The following MYH11 variants were observed in gnomAD, a reference collection of about 807,000 sequenced individuals.
MYH11 encodes myosin heavy chain 11.
In MYH11, 80 loss-of-function variants were observed where a neutral mutation model predicts 246.6. That is an observed-to-expected ratio of 0.32 (90% confidence interval 0.27 to 0.39). The LOEUF is 0.39. Ranked by LOEUF, MYH11 falls within the 10% of genes least tolerant of loss-of-function variation. MYH11 has a pLI of 1.00. For synonymous variants in MYH11, 1,071 were observed against 1,015.5 expected, an observed-to-expected ratio of 1.05 and a Z score of -1.04; for missense variants, 2,158 against 2,546.8, an observed-to-expected ratio of 0.85 and a Z score of 3.29.
intron 27 of MYH11, among the ~76,000 whole-genome samples, chr16:15,728,014 A>G (rs566768685): frequency 2.7e-4 from 41 of 152,320 alleles, no homozygotes; most frequent in African/African-American, 9.4e-4. Flanking sequence ...GGATCACTTG[A>G]GGTGAGGAGT....
intron 19 of MYH11, among the ~76,000 whole-genome samples, chr16:15,745,570 T>TTTTC (rs1567722227): frequency 1.0e-4 from 15 of 146,754 alleles, no homozygotes; most frequent in East Asian, 4.2e-4. Flanking sequence ...GCTGTTTCTT[T>TTTTC]TTTCTTTCTT....
chr16:15,749,774 C>T (rs2041515378), intron 16 of MYH11: 1 of 387,946 alleles, frequency 2.6e-6, no homozygotes, highest in African/African-American at 2.0e-5. Context: ...GACACAATCG[C>T]CCCAAGCTGA....
Position 15,717,238 on chromosome 16 carries a change from G to T in MYH11, c.5406C>A (p.His1802Gln), listed in dbSNP as rs746211825. ...TGGACTTGACGGCCCCCTCCATCTCGTGGAGCTTGCTCCGGAGCTCCTTGT... is the reference window on the plus strand; with the variant it reads ...TGGACTTGACGGCCCCCTCCATCTCTTGGAGCTTGCTCCGGAGCTCCTTGT... ...RQNKELRSKLHEMEGAVKSKF... is the reference protein window; with the variant it reads ...RQNKELRSKLQEMEGAVKSKF... The change falls in exon 38 of 41, where the codon CAC (histidine) becomes CAA (glutamine). Residue 1802 changes from histidine to glutamine, a missense_variant. By Grantham distance (24) the His-to-Gln change is conservative. Coordinates refer to ENST00000300036, the MANE Select transcript of MYH11 (RefSeq NM_002474.3). 9.3e-6 allele frequency: 15 copies of T among 1,614,142 alleles called. No individual in the cohort carries two copies. Among genetic ancestry groups the T allele is most frequent in the Non-Finnish European group, 1.2e-5 (14 of 1,180,026 alleles).
chr16:15,822,595 G>C (rs2043443448), intron 3 of MYH11, among the ~76,000 whole-genome samples: 1 of 152,098 alleles, frequency 6.6e-6, no homozygotes, highest in African/African-American at 2.4e-5. Flanking sequence ...CACACCTATA[G>C]TCCCAGCTAC....
chr16:15,831,899 C>A (rs2043749796), intron 2 of MYH11, among the ~76,000 whole-genome samples: 1 of 152,004 alleles, frequency 6.6e-6, no homozygotes, highest in South Asian at 2.1e-4. Context: ...GATCACACCA[C>A]TGCTCTCCAG....
chr16:15,754,077 C>T (rs1197062028), intron 14 of MYH11, among the ~76,000 whole-genome samples: 1 of 150,750 alleles, frequency 6.6e-6, no homozygotes, highest in Non-Finnish European at 1.5e-5. Context: ...ATTAGCCAGG[C>T]ATGGTGGTGC....
intron 9 of MYH11, among the ~76,000 whole-genome samples, chr16:15,764,388 G>A (rs1374206794): frequency 6.6e-6 from 1 of 151,878 alleles, no homozygotes; most frequent in Non-Finnish European, 1.5e-5. Context: ...TCATGCCTGC[G>A]ACCCCAGCAC....
At chr16:15,804,961 A>G (rs77284926) in intron 3 of MYH11, among the ~76,000 whole-genome samples, 2,986 of 152,322 alleles carry the variant, frequency 0.02, 94 homozygotes, top group African/African-American at 0.064. Flanking sequence ...TAGTGCTGCT[A>G]TGAACATTCC....
At chr16:15,779,139 A>G in intron 6 of MYH11, 1 of 496,058 alleles carries the variant, frequency 2.0e-6, no homozygotes, top group South Asian at 2.1e-5. Context: ...AAACTTATTT[A>G]TTTATTAGAG....
chr16:15,783,753 C>T (rs975760603), intron 5 of MYH11, among the ~76,000 whole-genome samples: 6 of 152,136 alleles, frequency 3.9e-5, no homozygotes, highest in Admixed American at 2.0e-4. Context: ...GTTGAAAAGT[C>T]TTGGCAAGAG....
At chr16:15,822,541 A>C (rs774481192) in intron 3 of MYH11, among the ~76,000 whole-genome samples, 4 of 152,002 alleles carry the variant, frequency 2.6e-5, no homozygotes, top group Non-Finnish European at 5.9e-5. Flanking sequence ...ACAAAAACAA[A>C]ACAAAAAAAC....
chr16:15,736,963 TAGA>T (rs1303062702), intron 25 of MYH11, among the ~76,000 whole-genome samples: 1 of 152,096 alleles, frequency 6.6e-6, no homozygotes, highest in Non-Finnish European at 1.5e-5. Flanking sequence ...GGGGGACATT[TAGA>T]AGGACTGGCA....
rs754997732 is a variant in MYH11 at position 15,724,326 on chromosome 16, C to A, written c.4200G>T (p.Glu1400Asp). 9.9e-6 allele frequency: 16 copies of A among 1,614,202 alleles called. No individual in the cohort carries two copies. Among genetic ancestry groups the A allele is most frequent in the Non-Finnish European group, 1.4e-5 (16 of 1,180,052 alleles). The change falls in exon 31 of 41, where the codon GAG becomes GAT. Residue 1400 changes from glutamate to aspartate, a missense_variant. Physicochemically the swap from Glu to Asp is conservative, Grantham distance 45. Coordinates refer to ENST00000300036, the MANE Select transcript of MYH11 (RefSeq NM_002474.3). ...CGTACTGCTGGGTGAGGTTCTCGAT[C>A]TCCTTCTGGAACCTCTTCTTCCCCT... ...LEEGKKRFQK[E>D]IENLTQQYEE...
At chr16:15,831,427 G>A (rs572405151) in intron 2 of MYH11, among the ~76,000 whole-genome samples, 2 of 151,286 alleles carry the variant, frequency 1.3e-5, no homozygotes, top group African/African-American at 4.9e-5. Flanking sequence ...AAATCATACT[G>A]CAAAACATAC....
At chr16:15,753,254 C>T in intron 15 of MYH11, 140 bp downstream of exon 15, 3 of 766,408 alleles carry the variant, frequency 3.9e-6, no homozygotes, top group East Asian at 2.7e-5. Flanking sequence ...CGAGACATCA[C>T]CAGCCCATGC....
rs185409096 is a variant in MYH11, at chr16:15,837,996, T to C, written c.257A>G (p.Lys86Arg). ...CGTCAGCTCCGCCATGTCCTCCACCTTGGAGAACTTGGGTGGGTTCATCTT... is the reference window on the plus strand; with the variant it reads ...CGTCAGCTCCGCCATGTCCTCCACCCTGGAGAACTTGGGTGGGTTCATCTT... ...IQKMNPPKFS[K>R]VEDMAELTCL... The change falls in exon 2 of 41, where the codon AAG (lysine) becomes AGG (arginine). Residue 86 changes from lysine to arginine, a missense_variant. Physicochemically the swap from Lys to Arg is conservative, Grantham distance 26. Transcript: ENST00000300036. 6.2e-7 allele frequency: 1 copy of C among 1,614,148 alleles called. No individual in the cohort carries two copies. Among genetic ancestry groups the C allele is most frequent in the Non-Finnish European group, 8.5e-7 (1 of 1,180,014 alleles).
rs778073237 is a variant in MYH11 at position 15,759,621 on chromosome 16, A to C, written c.1356T>G (p.Ala452=). Residue 452 remains alanine, a synonymous_variant, in exon 12 of 41, where the codon GCT becomes GCG. Coordinates refer to ENST00000300036, the MANE Select transcript of MYH11 (RefSeq NM_002474.3). ...CTATATCCAGGATCCCCAGGAAGGA[A>C]GCCCCTTGCCGATGGGTCTTGTCCA... is the stretch of plus-strand genomic sequence containing the variant. ...KALDKTHRQG[A]SFLGILDIAG... 11 of 1,614,214 alleles carry C rather than the reference A, an allele frequency of 6.8e-6. No homozygotes were observed. The highest frequency in any genetic ancestry group is 9.3e-6 in the Non-Finnish European group (11 of 1,180,038).
At chr16:15,756,902 C>T (rs1383016130) in intron 13 of MYH11, among the ~76,000 whole-genome samples, 1 of 150,236 alleles carries the variant, frequency 6.7e-6, no homozygotes, top group Non-Finnish European at 1.5e-5. Flanking sequence ...GGGTTCACGC[C>T]ATTCTCCTGC....
intron 3 of MYH11, among the ~76,000 whole-genome samples, chr16:15,806,851 A>G (rs1013275134): frequency 6.6e-5 from 10 of 152,352 alleles, no homozygotes; most frequent in African/African-American, 2.2e-4. Context: ...TCAGAGAGGC[A>G]ACCAAGGTAG....
Sources: allele counts gnomAD v4.1 joint callset (sites outside exome capture counted in the v4.1 genomes callset), GRCh38; gene constraint gnomAD v4.1.1; transcripts MANE v1.5; gene names NCBI Gene and HGNC (gene_info 2026-07-23, HGNC 2026-07-21).